COL2A1: variants seen among roughly 807,000 people sequenced by gnomAD.
COL2A1 encodes collagen type II alpha 1 chain.
Under a neutral mutation model 204.5 loss-of-function variants are expected in COL2A1, and 28 were observed. That is an observed-to-expected ratio of 0.14 (90% CI 0.10 to 0.19). COL2A1 has a LOEUF of 0.19. Among genes scored for constraint, COL2A1 ranks in the 10% least tolerant of loss-of-function variants. The pLI is 1.00. For synonymous variants in COL2A1, 708 were observed against 718.7 expected, an observed-to-expected ratio of 0.99 and a Z score of 0.24; for missense variants, 1,388 against 2,027.5, an observed-to-expected ratio of 0.68 and a Z score of 6.06.
intron 29 of COL2A1, 166 bp downstream of exon 29, chr12:47,983,921 T>G: frequency 1.1e-6 from 1 of 913,006 alleles, no homozygotes; most frequent in Non-Finnish European, 1.8e-6. Context: ...CCAATGTGGG[T>G]CCACACAGCC....
Position 47,975,421 on chromosome 12 carries a change from G to T in COL2A1, c.3782C>A (p.Ser1261Tyr). ...GATGCTCTCAATCTGGTTGTTGAGG[G>T]ACTTGAGTGTGGCATCCACCTCGGC... ...HDAEVDATLK[S>Y]LNNQIESIRS... The change falls in exon 51 of 54, where the codon TCC (serine) becomes TAC (tyrosine). Residue 1261 changes from serine (S) to tyrosine (Y), a missense_variant. Physicochemically the swap from Ser to Tyr is moderately radical, Grantham distance 144. This residue lies in a region of COL2A1 where 303 missense variants were observed against 369.2 expected (regional missense o/e 0.82). Transcript: ENST00000380518. The T allele has an allele frequency of 3.7e-6, 6 of 1,614,214 alleles. No individual in the cohort carries two copies. Among genetic ancestry groups the T allele is most frequent in the Non-Finnish European group, 5.1e-6 (6 of 1,180,028 alleles).
At chr12:47,991,814 G>A (rs1034830606) in intron 16 of COL2A1, among the ~76,000 whole-genome samples, 7 of 152,174 alleles carry the variant, frequency 4.6e-5, no homozygotes, top group Non-Finnish European at 8.8e-5. Flanking sequence ...CTGTAGAAAC[G>A]GCAGTGTTTC....
chr12:47,996,295 GGTCTTCTAACAGATCA>G (rs1939956094), intron 8 of COL2A1, among the ~76,000 whole-genome samples: 1 of 152,140 alleles, frequency 6.6e-6, no homozygotes, highest in Non-Finnish European at 1.5e-5. Flanking sequence ...AATAGCAACT[GGTCTTCTAACAGATCA>G]GCCTATATGC....
chr12:47,989,670 T>G, intron 17 of COL2A1, 91 bp downstream of exon 17: 1 of 1,095,382 alleles, frequency 9.1e-7, no homozygotes, highest in Admixed American at 1.7e-5. Flanking sequence ...CTGCTGTGGT[T>G]GCACCCAATA....
Position 47,993,815 on chromosome 12 carries a change from A to G in COL2A1, c.918T>C (p.Gly306=). Residue 306 remains glycine, a synonymous_variant, in exon 14 of 54, where the codon GGT becomes GGC. Transcript: ENST00000380518. ...DGAKGEAGAP[G]VKGESGSPGE... Reference sequence around the variant, plus strand: ...GTACTTTCTGGCCTCTCACCTTCACACCAGGAGCACCCGCCTCTCCCTTAG... The same window carrying G: ...GTACTTTCTGGCCTCTCACCTTCACGCCAGGAGCACCCGCCTCTCCCTTAG... The G allele has an allele frequency of 6.2e-7, 1 of 1,613,698 alleles. No individual in the cohort carries two copies.
rs778159770 is a variant in COL2A1, at chr12:47,987,230, G to A, written c.1266+39C>T. 9.0e-5 allele frequency: 145 copies of A among 1,613,316 alleles called. No homozygotes were observed. Among genetic ancestry groups the A allele is most frequent in the Non-Finnish European group, 2.8e-5 (33 of 1,179,334 alleles). Reference sequence around the variant, plus strand: ...TCAGGAGAGGGGAGAGGCAGGACTGGGCTCTCCTGGGGTAGCAAAGTCCAC... The same window carrying A: ...TCAGGAGAGGGGAGAGGCAGGACTGAGCTCTCCTGGGGTAGCAAAGTCCAC... On this transcript the variant is annotated intron_variant, in intron 20 of 53. Transcript: ENST00000380518. The surrounding 1 kb of genome is among the most constrained non-coding windows in gnomAD (Gnocchi z 4.1).
rs369398281 is a variant in COL2A1 at position 47,997,987 on chromosome 12, G to A, written c.375+45C>T. ...AGGAGCCTGCAGATCAGTAACTTGC[G>A]CGCAGCGAGGAAGGGACGGAGAAAG... On this transcript the variant is annotated intron_variant, in intron 5 of 53. Coordinates refer to ENST00000380518, the MANE Select transcript of COL2A1 (RefSeq NM_001844.5). The A allele has an allele frequency of 3.3e-4, 525 of 1,614,140 alleles. 2 individuals are homozygous for A. Among genetic ancestry groups the A allele is most frequent in the African/African-American group, 2.3e-3 (174 of 75,048 alleles).
Position 47,995,953 on chromosome 12 carries a change from A to G in COL2A1, c.610-34T>C, listed in dbSNP as rs41317889. On this transcript the variant is annotated intron_variant, in intron 8 of 53. Transcript: ENST00000380518. Reference sequence around the variant, plus strand: ...GAACAGAAAATGAGGGGTTTACTACACATGCTTCCTCAGTGGCCTCCAGTG... The same window carrying G: ...GAACAGAAAATGAGGGGTTTACTACGCATGCTTCCTCAGTGGCCTCCAGTG... 2,319 of 1,583,026 alleles carry G rather than the reference A, an allele frequency of 1.5e-3. 66 individuals are homozygous for G. The East Asian group carries it at 0.043, about 29-fold the overall frequency.
chr12:47,996,476 G>T (rs751282607), intron 8 of COL2A1, 72 bp downstream of exon 8: 2 of 1,225,780 alleles, frequency 1.6e-6, no homozygotes, highest in Non-Finnish European at 2.4e-6. Flanking sequence ...AGCAGAGGTT[G>T]TCAGACTCTC....
chr12:47,974,367 A>G, intron 52 of COL2A1, 36 bp from the exon 53 acceptor site: 1 of 1,611,418 alleles, frequency 6.2e-7, no homozygotes, highest in Non-Finnish European at 8.5e-7. Context: ...GAGGCCTGGG[A>G]GCTGGCATTC....
chr12:47,977,232 C>T, intron 46 of COL2A1, 77 bp from the exon 47 acceptor site: 1 of 1,590,730 alleles, frequency 6.3e-7, no homozygotes, highest in South Asian at 1.1e-5. Context: ...GGCCACTGCT[C>T]CTTAGTCCAG....
At chr12:47,984,711 TA>T in intron 27 of COL2A1, 112 bp from the exon 28 acceptor site, 1 of 1,010,728 alleles carries the variant, frequency 9.9e-7, no homozygotes, top group Non-Finnish European at 1.5e-6. Context: ...ACAGCCAAGA[TA>T]AAGCAAAGTA....
At chr12:47,974,591 G>T in intron 52 of COL2A1, 84 bp downstream of exon 52, 1 of 1,471,020 alleles carries the variant, frequency 6.8e-7, no homozygotes, top group Non-Finnish European at 9.5e-7. Flanking sequence ...ATATGGGGAA[G>T]GTGCTAAAAG....
chr12:47,994,572 C>T, intron 11 of COL2A1, 95 bp from the exon 12 acceptor site: 1 of 1,301,600 alleles, frequency 7.7e-7, no homozygotes, highest in Non-Finnish European at 1.1e-6. Flanking sequence ...GCCCTCCATG[C>T]CTTTGCCTAC....
At chr12:47,988,459 C>T (rs888224558) in intron 18 of COL2A1, 5 of 154,596 alleles carry the variant, frequency 3.2e-5, no homozygotes, top group African/African-American at 4.8e-5. Context: ...CAGGTTTCTT[C>T]TCAGAACATT....
intron 30 of COL2A1, 64 bp from the exon 31 acceptor site, chr12:47,983,502 C>A: frequency 3.9e-6 from 6 of 1,557,638 alleles, no homozygotes; most frequent in South Asian, 3.4e-5. Context: ...CCCAGGGAGG[C>A]ACAGTATAGG....
At chr12:47,973,598 C>T (rs375822702) in intron 53 of COL2A1, 45 bp from the exon 54 acceptor site, 64 of 1,611,832 alleles carry the variant, frequency 4.0e-5, no homozygotes, top group Non-Finnish European at 5.3e-5. Flanking sequence ...AGATGCCTTG[C>T]TACCCAGTTC....
intron 2 of COL2A1, 63 bp from the exon 3 acceptor site, chr12:47,998,494 C>T: frequency 1.3e-6 from 2 of 1,552,582 alleles, no homozygotes; most frequent in South Asian, 1.2e-5. Context: ...AATACCTATT[C>T]TTGTCACTCA....
chr12:48,000,225 T>C, intron 1 of COL2A1, 100 bp from the exon 2 acceptor site: 1 of 833,678 alleles, frequency 1.2e-6, no homozygotes, highest in Non-Finnish European at 2.0e-6. Flanking sequence ...TTGACAGAAT[T>C]CAAATGCTGA....
Sources: gnomAD v4.1 joint callset for allele counts (sites outside exome capture counted in the v4.1 genomes callset) on GRCh38, gnomAD v4.1.1 for gene constraint, gnomAD v4.1.1 regional missense constraint, Gnocchi (gnomAD v3.1) non-coding constraint, MANE v1.5 for transcripts, NCBI Gene and HGNC (gene_info 2026-07-23, HGNC 2026-07-21) for gene names.